The following PCDH10 variants were observed in gnomAD, a reference collection of about 807,000 sequenced individuals.
The protein encoded by PCDH10 is protocadherin 10.
PCDH10 carries 15 observed loss-of-function variants against 74.4 expected under a neutral mutation model. The ratio of observed to expected loss-of-function variants is 0.20; its 90% confidence interval spans 0.13 to 0.31. PCDH10 has a LOEUF of 0.31. Ranked by LOEUF, PCDH10 falls within the 10% of genes least tolerant of loss-of-function variation. The pLI is 1.00. For missense variants in PCDH10, 1,260 were observed against 1,390.2 expected, an observed-to-expected ratio of 0.91 and a Z score of 1.49; for synonymous variants, 619 against 589.8, an observed-to-expected ratio of 1.05 and a Z score of -0.72.
intron 1 of PCDH10, chr4:133,152,998 T>G: frequency 3.5e-6 from 5 of 1,439,970 alleles, no homozygotes; most frequent in Non-Finnish European, 1.8e-6. Flanking sequence ...GTCCCCTTGG[T>G]ACTTTGCCAC....
At chr4:133,163,825 T>TA (rs1727025315) in intron 4 of PCDH10, 1 of 400,636 alleles carries the variant, frequency 2.5e-6, no homozygotes, top group Non-Finnish European at 4.8e-6. Context: ...AGATTGTAGA[T>TA]ATGTCATTTC....
chr4:133,207,115 A>C (rs2125879460), intron 2 of PCDH10, among the ~76,000 whole-genome samples: 1 of 152,222 alleles, frequency 6.6e-6, no homozygotes, highest in Non-Finnish European at 1.5e-5. Flanking sequence ...TATCTAAAGT[A>C]ATTTTAAATC....
rs1421317231 is a variant in PCDH10 at position 133,163,204 on chromosome 4, C to G, written c.3025C>G (p.Leu1009Val). Residue 1009 changes from leucine to valine, a missense_variant, in exon 4 of 5, where the codon CTT becomes GTT. By Grantham distance (32) the Leu-to-Val change is conservative (BLOSUM62 1). Coordinates refer to ENST00000264360, the MANE Select transcript of PCDH10 (RefSeq NM_032961.3). ...TTCCACCTTTGGCAAAGAGAAGGCC[C>G]TTCACAGCACTCTGGAGAGGAAGGA... ...SFSTFGKEKALHSTLERKELD... is the reference protein window; with the variant it reads ...SFSTFGKEKAVHSTLERKELD... 2 of 1,614,132 alleles carry G rather than the reference C, an allele frequency of 1.2e-6. No individual in the cohort carries two copies. The highest frequency in any genetic ancestry group is 1.1e-5 in the South Asian group (1 of 91,086).
At chr4:133,172,421 T>G (rs1341759394) in intron 4 of PCDH10, among the ~76,000 whole-genome samples, 2 of 151,988 alleles carry the variant, frequency 1.3e-5, no homozygotes, top group Non-Finnish European at 2.9e-5. Flanking sequence ...TTTTTTTATT[T>G]TAAGATTTTT....
rs1727745487 is a variant in PCDH10, at chr4:133,194,274, G to A, written c.*4114G>A. 6.6e-6 allele frequency: 1 copy of A among 151,790 alleles called. No individual in the cohort carries two copies. The allele number at this position is 151,790 out of a possible 1,614,324, so 9.4% of individuals were successfully genotyped here. A position where few individuals can be genotyped will look rare whatever the true frequency, so the allele number is the denominator to read the frequency against. On this transcript the variant is annotated 3_prime_UTR_variant, in exon 5 of 5. Coordinates refer to ENST00000264360, the MANE Select transcript of PCDH10 (RefSeq NM_032961.3). ...TAGTTTGAAGTTTTACTCTCCAGAT[G>A]TTTTTGAGTTGCATAAAAATCTTGC...
chr4:133,171,665 G>A (rs998776674), intron 4 of PCDH10, among the ~76,000 whole-genome samples: 3 of 152,062 alleles, frequency 2.0e-5, no homozygotes, highest in Non-Finnish European at 2.9e-5. Context: ...TGAATGGTAG[G>A]AATAAGTCTA....
chr4:133,207,463 A>C (rs1375699162), intron 2 of PCDH10, among the ~76,000 whole-genome samples: 1 of 152,188 alleles, frequency 6.6e-6, no homozygotes, highest in Admixed American at 6.5e-5. Flanking sequence ...AAGAGCTGGC[A>C]CATACAGACA....
At chr4:133,195,702 G>A (rs1727782333), downstream of PCDH10, among the ~76,000 whole-genome samples, 1 of 151,938 alleles carries the variant, frequency 6.6e-6, no homozygotes, top group East Asian at 1.9e-4. Context: ...TTGTGGTTGA[G>A]ACTTATCAGT....
Position 133,203,807 on chromosome 4 carries a change from G to A in PCDH10, n.438-4269G>A, listed in dbSNP as rs550335642. On this transcript the variant is annotated intron_variant and non_coding_transcript_variant, in intron 2 of 2. Coordinates refer to the PCDH10 transcript ENST00000511112. The stretch of plus-strand genomic sequence containing the variant: ...GGGTAAAAATGTTGGGAGCCTAGCA[G>A]TCCACCTGTGGACAGCTATCTCATT... Among the ~76,000 whole-genome samples, 3 of 152,296 alleles carry A rather than the reference G, an allele frequency of 2.0e-5. No individual in the cohort carries two copies. The East Asian group carries it at 5.8e-4, about 29-fold the overall frequency.
chr4:133,152,765 C>T lies in PCDH10; in HGVS notation c.2625C>T (p.Ser875=). Residue 875 remains serine (S), a synonymous_variant, in exon 1 of 5, where the codon TCC becomes TCT. Coordinates refer to ENST00000264360, the MANE Select transcript of PCDH10 (RefSeq NM_032961.3). ...TCATCTCCAACGGAAGCATTTTGTCCAACGAGGTAAGGCTGAAGCGAAAGG... is the reference window on the plus strand; with the variant it reads ...TCATCTCCAACGGAAGCATTTTGTCTAACGAGGTAAGGCTGAAGCGAAAGG... ...PDIISNGSIL[S]NETKHQRAEL... The T allele has an allele frequency of 6.2e-7, 1 of 1,614,220 alleles. No homozygotes were observed. The highest frequency in any genetic ancestry group is 8.5e-7 in the Non-Finnish European group (1 of 1,180,030).
At chr4:133,167,605 A>AT (rs1727112873) in intron 4 of PCDH10, among the ~76,000 whole-genome samples, 1 of 151,100 alleles carries the variant, frequency 6.6e-6, no homozygotes, top group Non-Finnish European at 1.5e-5. Flanking sequence ...CTCTTGTAGG[A>AT]TTTTTTCTTT....
At position 133,149,468 on chromosome 4, in the gene PCDH10, C is replaced by T. The variant is rs774415139; in HGVS notation, c.-673C>T. 2.0e-5 allele frequency: 3 copies of T among 152,134 alleles called. No homozygotes were observed. The highest frequency in any genetic ancestry group is 7.3e-5 in the African/African-American group (3 of 41,362). The allele number at this position is 152,134 out of a possible 1,614,324, so 9.4% of individuals were successfully genotyped here. On this transcript the variant is annotated 5_prime_UTR_variant, in exon 1 of 5. Transcript: ENST00000264360. The stretch of plus-strand genomic sequence containing the variant: ...CGGTGGAGATGAGGACAGAGGGAAC[C>T]AAGACTCTGAAAGACAAAAAATACA...
chr4:133,205,463 T>A (rs188277370), intron 2 of PCDH10, among the ~76,000 whole-genome samples: 25 of 152,312 alleles, frequency 1.6e-4, no homozygotes, highest in Admixed American at 3.9e-4. Context: ...TCTTTGTGAT[T>A]AAGGTCTGAA....
intron 2 of PCDH10, among the ~76,000 whole-genome samples, chr4:133,200,590 T>C (rs1042667495): frequency 6.6e-6 from 1 of 152,182 alleles, no homozygotes; most frequent in Non-Finnish European, 1.5e-5. Flanking sequence ...TTACTAGCAA[T>C]TAATCTTATT....
intron 1 of PCDH10, chr4:133,153,129 A>G: frequency 8.0e-7 from 1 of 1,250,118 alleles, no homozygotes; most frequent in Non-Finnish European, 1.0e-6. Context: ...ACTTTCTAGC[A>G]CTGGCAAAGG....
intron 4 of PCDH10, among the ~76,000 whole-genome samples, chr4:133,173,154 G>A (rs1299331751): frequency 1.3e-5 from 2 of 151,880 alleles, no homozygotes; most frequent in African/African-American, 4.8e-5. Context: ...ACAAATTGTG[G>A]ACTATGATGC....
At chr4:133,199,854 G>A (rs1727868006) in intron 2 of PCDH10, among the ~76,000 whole-genome samples, 2 of 150,342 alleles carry the variant, frequency 1.3e-5, no homozygotes, top group South Asian at 4.2e-4. Flanking sequence ...TTGGAGTGCA[G>A]TGGCCTGATC....
Position 133,152,376 on chromosome 4 carries a change from C to A in PCDH10, c.2236C>A (p.Leu746Ile). Residue 746 changes from leucine (L) to isoleucine (I), a missense_variant, in exon 1 of 5, where the codon CTC becomes ATC. Coordinates refer to ENST00000264360, the MANE Select transcript of PCDH10 (RefSeq NM_032961.3). ...CGTGCGTTGCCAAAAAGAGAAGAAG[C>A]TCAACATCTATACTTGTCTGGCCAG... Reference protein sequence around the residue: ...LAVRCQKEKKLNIYTCLASDC... With the variant: ...LAVRCQKEKKINIYTCLASDC... 1 of 1,614,210 alleles carries A rather than the reference C, an allele frequency of 6.2e-7. No individual in the cohort carries two copies. Among genetic ancestry groups the A allele is most frequent in the Non-Finnish European group, 8.5e-7 (1 of 1,180,044 alleles).
chr4:133,202,128 C>A (rs1325204075), intron 2 of PCDH10, among the ~76,000 whole-genome samples: 1 of 152,098 alleles, frequency 6.6e-6, no homozygotes, highest in Non-Finnish European at 1.5e-5. Context: ...GAAGTAGGCA[C>A]TTGACCAGGG....
Sources: allele counts gnomAD v4.1 joint callset (sites outside exome capture counted in the v4.1 genomes callset), GRCh38; gene constraint gnomAD v4.1.1; transcripts MANE v1.5; gene names NCBI Gene and HGNC (gene_info 2026-07-23, HGNC 2026-07-21).